CHST11: variants seen among roughly 807,000 people sequenced by gnomAD.
CHST11 encodes C4S-1.
A neutral mutation model predicts 30.4 loss-of-function variants in CHST11; 9 were observed. The observed-to-expected ratio is 0.30, with a 90% CI of 0.18 to 0.52. CHST11 has a LOEUF of 0.52. Ranked by LOEUF, CHST11 falls within the 20% of genes least tolerant of loss-of-function variation. CHST11 has a pLI of 0.97. For synonymous variants in CHST11, 152 were observed against 187.8 expected (o/e 0.81, Z 1.56); for missense variants, 348 against 460.6 (o/e 0.76, Z 2.24).
intron 2 of CHST11, among the ~76,000 whole-genome samples, chr12:104,723,018 G>A (rs1479736777): frequency 6.6e-6 from 1 of 152,084 alleles, no homozygotes; most frequent in Non-Finnish European, 1.5e-5. Flanking sequence ...GGCGTGCCCT[G>A]TCAGACCCAC....
chr12:104,723,530 G>A (rs1390460754), intron 2 of CHST11, among the ~76,000 whole-genome samples: 2 of 152,208 alleles, frequency 1.3e-5, no homozygotes, highest in African/African-American at 4.8e-5. Flanking sequence ...TTGTTAGAGC[G>A]AGAATGAAAC....
chr12:104,464,165 C>T (rs1039276592), intron 1 of CHST11, among the ~76,000 whole-genome samples: 4 of 150,894 alleles, frequency 2.7e-5, no homozygotes, highest in Non-Finnish European at 5.9e-5. Flanking sequence ...CCTCCTGGGC[C>T]CAAGCAATTC....
intron 1 of CHST11, among the ~76,000 whole-genome samples, chr12:104,568,702 A>G (rs2038594016): frequency 6.6e-6 from 1 of 152,138 alleles, no homozygotes; most frequent in Non-Finnish European, 1.5e-5. Flanking sequence ...TATTATCTCC[A>G]TTTTACAGAT....
chr12:104,625,634 C>A (rs1402062117), intron 2 of CHST11, among the ~76,000 whole-genome samples: 1 of 152,122 alleles, frequency 6.6e-6, no homozygotes, highest in Non-Finnish European at 1.5e-5. Context: ...ACTGTTAAGA[C>A]AAACAGGCAA....
At chr12:104,549,941 C>T (rs189960990) in intron 1 of CHST11, among the ~76,000 whole-genome samples, 1 of 152,200 alleles carries the variant, frequency 6.6e-6, no homozygotes, top group African/African-American at 2.4e-5. Context: ...AGACATGGAC[C>T]CTGTTTTGAA....
intron 1 of CHST11, among the ~76,000 whole-genome samples, chr12:104,569,697 C>T (rs2038604635): frequency 6.6e-6 from 1 of 152,160 alleles, no homozygotes; most frequent in Admixed American, 6.5e-5. Context: ...TTTCAGGCTG[C>T]ACCTTCTCCA....
intron 1 of CHST11, among the ~76,000 whole-genome samples, chr12:104,544,757 T>TG (rs1316364613): frequency 1.4e-5 from 1 of 73,064 alleles, no homozygotes; most frequent in African/African-American, 4.0e-5. Context: ...TGATGTGCCC[T>TG]GGGGGTCACA....
chr12:104,548,141 CAT>C (rs1233719797), intron 1 of CHST11, among the ~76,000 whole-genome samples: 1 of 152,172 alleles, frequency 6.6e-6, no homozygotes, highest in Non-Finnish European at 1.5e-5. Context: ...AGGGCAGAGC[CAT>C]GTCTTATTCA....
intron 2 of CHST11, among the ~76,000 whole-genome samples, chr12:104,629,064 C>T (rs1036445300): frequency 6.6e-6 from 1 of 152,146 alleles, no homozygotes; most frequent in Non-Finnish European, 1.5e-5. Flanking sequence ...TACTCAATGC[C>T]TCATTCTAAA....
chr12:104,554,522 C>G (rs528160767), intron 1 of CHST11, among the ~76,000 whole-genome samples: 1 of 152,280 alleles, frequency 6.6e-6, no homozygotes, highest in South Asian at 2.1e-4. Context: ...TCTGGGCTTC[C>G]ATTTCCCCAG....
chr12:104,632,510 T>G (rs894002951), intron 2 of CHST11, among the ~76,000 whole-genome samples: 3 of 152,216 alleles, frequency 2.0e-5, no homozygotes, highest in Non-Finnish European at 2.9e-5. Flanking sequence ...TTAGGAGTCC[T>G]AGAGCTTCTC....
intron 1 of CHST11, among the ~76,000 whole-genome samples, chr12:104,508,138 A>C (rs1398681486): frequency 6.6e-6 from 1 of 152,084 alleles, no homozygotes; most frequent in Non-Finnish European, 1.5e-5. Context: ...TTCCCTCCAT[A>C]TACTGTTCTA....
At chr12:104,466,492 C>T (rs944894752) in intron 1 of CHST11, among the ~76,000 whole-genome samples, 7 of 152,212 alleles carry the variant, frequency 4.6e-5, no homozygotes, top group African/African-American at 1.7e-4. Flanking sequence ...TTGCCAGCGG[C>T]CAAACAGCCC....
intron 1 of CHST11, among the ~76,000 whole-genome samples, chr12:104,577,983 G>A (rs1427914799): frequency 1.3e-5 from 2 of 152,176 alleles, no homozygotes; most frequent in Non-Finnish European, 2.9e-5. Flanking sequence ...TGGTTACCAT[G>A]CACTGAGGGA....
At chr12:104,563,925 C>T (rs1381980382) in intron 1 of CHST11, among the ~76,000 whole-genome samples, 1 of 152,052 alleles carries the variant, frequency 6.6e-6, no homozygotes, top group African/African-American at 2.4e-5. Context: ...ACTCCACAGC[C>T]TGCTCTTAGT....
chr12:104,625,547 C>T (rs747188702), intron 2 of CHST11, among the ~76,000 whole-genome samples: 5 of 152,202 alleles, frequency 3.3e-5, no homozygotes, highest in African/African-American at 4.8e-5. Context: ...TCAGGCGATC[C>T]GCCCGCCTTG....
intron 1 of CHST11, among the ~76,000 whole-genome samples, chr12:104,594,191 G>T (rs926022438): frequency 6.6e-6 from 1 of 152,170 alleles, no homozygotes; most frequent in Non-Finnish European, 1.5e-5. Context: ...CCAGGCCCAG[G>T]TGTGATCTCC....
intron 2 of CHST11, among the ~76,000 whole-genome samples, chr12:104,748,575 G>C (rs2040406319): frequency 6.6e-6 from 1 of 151,164 alleles, no homozygotes; most frequent in African/African-American, 2.4e-5. Context: ...AAGAGGAAGA[G>C]ACACCTGGGG....
chr12:104,635,984 G>A (rs540217841), intron 2 of CHST11, among the ~76,000 whole-genome samples: 4 of 152,338 alleles, frequency 2.6e-5, no homozygotes, highest in Middle Eastern at 6.8e-3. Flanking sequence ...GCTGGATGCA[G>A]TACAATTTAA....
Sources: allele counts gnomAD v4.1 joint callset (sites outside exome capture counted in the v4.1 genomes callset), GRCh38; gene constraint gnomAD v4.1.1; transcripts MANE v1.5; gene names NCBI Gene and HGNC (gene_info 2026-07-23, HGNC 2026-07-21).